B4GALT6: variants seen among roughly 807,000 people sequenced by gnomAD.
B4GALT6 encodes UDP-Gal:beta-GlcNAc beta-1,4-galactosyltransferase 6.
B4GALT6 carries 14 observed loss-of-function variants against 46.3 expected under a neutral mutation model. The observed-to-expected ratio is 0.30, with a 90% CI of 0.20 to 0.47. The LOEUF (loss-of-function observed/expected upper bound fraction) is 0.47. B4GALT6 is among the 20% of genes least tolerant of loss of function. The pLI, the probability that B4GALT6 is intolerant of heterozygous loss-of-function variation, is 0.99. For missense variants in B4GALT6, 386 were observed against 480.1 expected (o/e 0.80, Z 1.83); for synonymous variants, 168 against 162.0 (o/e 1.04, Z -0.28).
At position 31,684,430 on chromosome 18, in the gene B4GALT6, C is replaced by T; in HGVS notation, c.-4G>A. 6.2e-7 allele frequency: 1 copy of T among 1,613,200 alleles called. No individual in the cohort carries two copies. Among genetic ancestry groups the T allele is most frequent in the Non-Finnish European group, 8.5e-7 (1 of 1,179,578 alleles). On this transcript the variant is annotated 5_prime_UTR_variant, in exon 1 of 9. Coordinates refer to ENST00000306851, the MANE Select transcript of B4GALT6 (RefSeq NM_004775.5). ...TCATCCGCCTGAGCACAGACATCTT[C>T]CTCTTCCCTGCCAGCAGCCCAGGCT...
chr18:31,707,515 T>C, the B4GALT6 span, among the ~76,000 whole-genome samples: 1 of 152,212 alleles, frequency 6.6e-6, no homozygotes, highest in East Asian at 1.9e-4. Context: ...CATGAAGAGG[T>C]TAATTTACAA....
At chr18:31,713,385 T>G in the B4GALT6 span, among the ~76,000 whole-genome samples, 1 of 152,290 alleles carries the variant, frequency 6.6e-6, no homozygotes, top group East Asian at 1.9e-4. Flanking sequence ...CTTTCTAAAT[T>G]TTATTACTGA....
chr18:31,652,681 T>C (rs2074086871), intron 3 of B4GALT6, among the ~76,000 whole-genome samples: 1 of 152,196 alleles, frequency 6.6e-6, no homozygotes, highest in Admixed American at 6.5e-5. Flanking sequence ...GTATCACACT[T>C]CAGTTCATGG....
chr18:31,684,913 C>G (rs559959098), upstream of B4GALT6, among the ~76,000 whole-genome samples: 4 of 149,312 alleles, frequency 2.7e-5, no homozygotes, highest in Admixed American at 1.3e-4. Flanking sequence ...CCGGGCCGCC[C>G]GCGTCCGCTC....
At chr18:31,651,055 C>T (rs778545643) in intron 3 of B4GALT6, among the ~76,000 whole-genome samples, 18 of 152,036 alleles carry the variant, frequency 1.2e-4, no homozygotes, top group Non-Finnish European at 1.9e-4. Context: ...CGTGAGCCAC[C>T]GCGCCCAGCC....
chr18:31,668,552 GT>G (rs992853662), intron 1 of B4GALT6, among the ~76,000 whole-genome samples: 8 of 152,118 alleles, frequency 5.3e-5, no homozygotes, highest in Non-Finnish European at 8.8e-5. Flanking sequence ...AGGTTTGTGG[GT>G]TTTTTGCCAT....
Position 31,648,738 on chromosome 18 carries a change from T to C in B4GALT6, c.347-3259A>G, listed in dbSNP as rs182369801. Among the ~76,000 whole-genome samples the C allele has an allele frequency of 4.8e-4, 73 of 152,382 alleles. 1 individual carries two copies. The South Asian group carries it at 0.011, about 24-fold the overall frequency. ...TACTTTTTCTATTAAAATATAATTC[T>C]TAAAATAACAAATATTCAAAACCTA... On this transcript the variant is annotated intron_variant, in intron 3 of 8. Transcript: ENST00000306851.
intron 5 of B4GALT6, among the ~76,000 whole-genome samples, chr18:31,633,001 T>C (rs942677198): frequency 3.2e-4 from 48 of 152,078 alleles, no homozygotes; most frequent in African/African-American, 1.2e-3. Flanking sequence ...TTTCTCAATT[T>C]CCTGAGGCAC....
the B4GALT6 span, among the ~76,000 whole-genome samples, chr18:31,718,411 T>C: frequency 1.3e-5 from 2 of 152,346 alleles, no homozygotes; most frequent in South Asian, 4.1e-4. Flanking sequence ...AGGGCCTGTT[T>C]ATAAGACAGT....
chr18:31,697,001 T>C, the B4GALT6 span, among the ~76,000 whole-genome samples: 1 of 152,116 alleles, frequency 6.6e-6, no homozygotes. Context: ...GCGCGGTGGC[T>C]CACACCTGTA....
At chr18:31,650,390 G>A (rs1351522009) in intron 3 of B4GALT6, among the ~76,000 whole-genome samples, 2 of 152,170 alleles carry the variant, frequency 1.3e-5, no homozygotes, top group Non-Finnish European at 2.9e-5. Context: ...GAAAAAGCTA[G>A]AACCCACTCT....
At chr18:31,707,295 A>G in the B4GALT6 span, among the ~76,000 whole-genome samples, 5 of 149,942 alleles carry the variant, frequency 3.3e-5, no homozygotes, top group Non-Finnish European at 5.9e-5. Flanking sequence ...TCCATCTCCA[A>G]TAAAATATTC....
the B4GALT6 span, among the ~76,000 whole-genome samples, chr18:31,700,792 C>T: frequency 1.3e-5 from 2 of 152,000 alleles, no homozygotes; most frequent in East Asian, 3.9e-4. Flanking sequence ...ACAAGGATGA[C>T]CTTTGGTGTC....
the B4GALT6 span, among the ~76,000 whole-genome samples, chr18:31,723,926 T>C: frequency 6.6e-6 from 1 of 151,994 alleles, no homozygotes; most frequent in African/African-American, 2.4e-5. Context: ...CATAACTTCC[T>C]TGGGAAGCTC....
At chr18:31,653,968 C>A (rs2074108205) in intron 3 of B4GALT6, among the ~76,000 whole-genome samples, 2 of 152,044 alleles carry the variant, frequency 1.3e-5, no homozygotes, top group African/African-American at 4.8e-5. Flanking sequence ...GTTACATTAG[C>A]ATTATTTGAG....
chr18:31,692,110 A>G, the B4GALT6 span, among the ~76,000 whole-genome samples: 3 of 152,214 alleles, frequency 2.0e-5, no homozygotes, highest in South Asian at 2.1e-4. Context: ...TATTCTAAAT[A>G]TCTATTATCC....
the B4GALT6 span, among the ~76,000 whole-genome samples, chr18:31,700,707 C>T: frequency 1.3e-5 from 2 of 152,130 alleles, no homozygotes; most frequent in African/African-American, 2.4e-5. Context: ...CTGCATGCCT[C>T]GGCCTCCCAA....
At chr18:31,659,200 T>C (rs1330334692) in intron 2 of B4GALT6, among the ~76,000 whole-genome samples, 1 of 152,230 alleles carries the variant, frequency 6.6e-6, no homozygotes, top group Non-Finnish European at 1.5e-5. Context: ...TCTTTGAATG[T>C]TGAGTAATCT....
chr18:31,673,758 C>A (rs532226009), intron 1 of B4GALT6, among the ~76,000 whole-genome samples: 18 of 152,286 alleles, frequency 1.2e-4, no homozygotes, highest in African/African-American at 4.3e-4. Flanking sequence ...TGCCCACACC[C>A]TAATTCCCAG....
Sources: gnomAD v4.1 joint callset for allele counts (sites outside exome capture counted in the v4.1 genomes callset) on GRCh38, gnomAD v4.1.1 for gene constraint, MANE v1.5 for transcripts, NCBI Gene and HGNC (gene_info 2026-07-23, HGNC 2026-07-21) for gene names.